Variants in USP47 observed in about 807,000 individuals in gnomAD.
The protein encoded by USP47 is ubiquitin carboxyl-terminal hydrolase 47.
USP47 carries 35 observed loss-of-function variants against 165.1 expected under a neutral mutation model. The ratio of observed to expected loss-of-function variants is 0.21; its 90% CI spans 0.16 to 0.28. The LOEUF (loss-of-function observed/expected upper bound fraction) is 0.28, where lower values mean the gene tolerates loss of function less well. Among genes scored for constraint, USP47 ranks in the 10% least tolerant of loss-of-function variants. The pLI is 1.00. For missense variants in USP47, 1,277 were observed against 1,607.4 expected (o/e 0.79, Z 3.52); for synonymous variants, 531 against 544.5 (o/e 0.98, Z 0.35).
intron 20 of USP47, among the ~76,000 whole-genome samples, chr11:11,944,174 C>G (rs1395729844): frequency 6.7e-6 from 1 of 149,388 alleles, no homozygotes; most frequent in East Asian, 1.9e-4. Flanking sequence ...TAAATCCATA[C>G]TAGATGCCAG....
At chr11:11,902,921 A>G (rs1852319208) in intron 6 of USP47, 61 bp downstream of exon 6, 3 of 1,450,722 alleles carry the variant, frequency 2.1e-6, no homozygotes, top group Non-Finnish European at 2.7e-6. Context: ...GAAGACAATA[A>G]TATTACAAAC....
intron 11 of USP47, among the ~76,000 whole-genome samples, chr11:11,928,795 C>A (rs892651464): frequency 1.3e-5 from 2 of 151,958 alleles, no homozygotes; most frequent in Non-Finnish European, 2.9e-5. Flanking sequence ...CAAGTTGCCT[C>A]TTTTCTTGAT....
intron 1 of USP47, among the ~76,000 whole-genome samples, chr11:11,864,884 G>T (rs1412094994): frequency 2.0e-5 from 3 of 151,966 alleles, no homozygotes; most frequent in Non-Finnish European, 2.9e-5. Context: ...AGAATGTCTT[G>T]ATTTCTCTAT....
chr11:11,895,378 G>T (rs955377196), intron 4 of USP47, among the ~76,000 whole-genome samples: 2 of 152,060 alleles, frequency 1.3e-5, no homozygotes, highest in Non-Finnish European at 2.9e-5. Context: ...ATCCAAGGTG[G>T]TTGTGTTCAG....
chr11:11,939,644 T>TA lies in USP47; in HGVS notation c.2194-777dup, dbSNP rs554205103. 3.8e-3 allele frequency among the ~76,000 whole-genome samples: 581 copies of TA among 151,772 alleles called. 5 individuals carry two copies. The highest frequency in any genetic ancestry group is 0.012 in the African/African-American group (481 of 41,444). ...ATTTTTAAAATATGAATGACAAATG[T>TA]AAAAAAAATTAGTTTAATAAGCACT... On this transcript the variant is annotated intron_variant, in intron 18 of 27. Coordinates refer to ENST00000527733, the MANE Select transcript of USP47 (RefSeq NM_001282659.2).
intron 10 of USP47, among the ~76,000 whole-genome samples, chr11:11,922,127 CAA>C (rs1260843479): frequency 4.6e-5 from 7 of 151,084 alleles, no homozygotes; most frequent in African/African-American, 1.7e-4. Context: ...GGGTTTCTAA[CAA>C]AGAGAATTCT....
At chr11:11,873,794 C>A (rs1183276948) in intron 1 of USP47, 1 of 1,454,574 alleles carries the variant, frequency 6.9e-7, no homozygotes, top group East Asian at 2.6e-5. Context: ...TTCTTATATA[C>A]CATAGGATGT....
intron 3 of USP47, among the ~76,000 whole-genome samples, chr11:11,887,148 G>T (rs1301648259): frequency 1.3e-5 from 2 of 152,044 alleles, no homozygotes; most frequent in African/African-American, 4.8e-5. Context: ...ACACAGACCA[G>T]TGACACTATC....
At chr11:11,859,977 G>A (rs932692340) in intron 1 of USP47, among the ~76,000 whole-genome samples, 20 of 151,632 alleles carry the variant, frequency 1.3e-4, no homozygotes, top group Non-Finnish European at 2.2e-4. Flanking sequence ...GGTAGCACAC[G>A]CCTGTAGTTC....
intron 1 of USP47, among the ~76,000 whole-genome samples, chr11:11,855,300 A>G (rs1271851096): frequency 6.6e-6 from 1 of 152,200 alleles, no homozygotes; most frequent in Non-Finnish European, 1.5e-5. Flanking sequence ...CCATATTAAG[A>G]CAGTTTCTGA....
At chr11:11,873,692 C>A (rs138317020) in intron 1 of USP47, 28 of 509,616 alleles carry the variant, frequency 5.5e-5, no homozygotes, top group Non-Finnish European at 8.0e-5. Flanking sequence ...TTAATTAATA[C>A]ATATTTTATT....
intron 3 of USP47, among the ~76,000 whole-genome samples, chr11:11,887,303 G>T (rs117728121): frequency 1.3e-5 from 2 of 152,094 alleles, no homozygotes; most frequent in Admixed American, 6.6e-5. Flanking sequence ...AAAGAGTCAA[G>T]ACTCATCAGT....
chr11:11,885,832 A>G (rs1851126585), intron 3 of USP47, among the ~76,000 whole-genome samples: 1 of 152,190 alleles, frequency 6.6e-6, no homozygotes, highest in African/African-American at 2.4e-5. Flanking sequence ...CTGCAGGTGC[A>G]TTCAGGCCAG....
chr11:11,842,661 C>G (rs969658305), intron 1 of USP47, among the ~76,000 whole-genome samples: 4 of 152,074 alleles, frequency 2.6e-5, no homozygotes, highest in Admixed American at 6.5e-5. Context: ...AAATCTACAC[C>G]CAAGTGAGAT....
intron 4 of USP47, among the ~76,000 whole-genome samples, chr11:11,896,828 T>C (rs550669579): frequency 2.0e-5 from 3 of 152,058 alleles, no homozygotes; most frequent in Admixed American, 6.5e-5. Flanking sequence ...GATTAAGATA[T>C]AAACCACCCA....
chr11:11,930,234 C>A, intron 13 of USP47, 114 bp downstream of exon 13: 1 of 846,928 alleles, frequency 1.2e-6, no homozygotes, highest in Non-Finnish European at 1.9e-6. Flanking sequence ...ACCCATGAGC[C>A]AAATCCAACC....
At chr11:11,920,637 G>A (rs1053774019) in intron 10 of USP47, 143 bp downstream of exon 10, 5 of 672,018 alleles carry the variant, frequency 7.4e-6, no homozygotes, top group Admixed American at 7.9e-5. Flanking sequence ...TTTCTAATGT[G>A]GAATTCAATA....
chr11:11,894,915 C>T (rs1282014825), intron 4 of USP47, among the ~76,000 whole-genome samples: 1 of 152,096 alleles, frequency 6.6e-6, no homozygotes, highest in Non-Finnish European at 1.5e-5. Flanking sequence ...TATCTTTCCT[C>T]TATATGTGTA....
chr11:11,882,590 A>G (rs1318923889), intron 2 of USP47, among the ~76,000 whole-genome samples: 3 of 152,094 alleles, frequency 2.0e-5, no homozygotes, highest in Non-Finnish European at 4.4e-5. Flanking sequence ...GTCCTTTTTC[A>G]GTTTAAAGGA....
Sources: allele counts gnomAD v4.1 joint callset (sites outside exome capture counted in the v4.1 genomes callset), GRCh38; gene constraint gnomAD v4.1.1; transcripts MANE v1.5; gene names NCBI Gene and HGNC (gene_info 2026-07-23, HGNC 2026-07-21).